The following ARL3 variants were observed in gnomAD, a reference collection of about 807,000 sequenced individuals.
ARL3 encodes the protein ADP-ribosylation factor-like protein 3.
A neutral mutation model predicts 26.0 loss-of-function variants in ARL3; 9 were observed. The ratio of observed to expected loss-of-function variants is 0.35; its 90% confidence interval spans 0.21 to 0.60. The LOEUF is 0.60. ARL3 is among the 20% of genes least tolerant of loss of function. The pLI, the probability that ARL3 is intolerant of heterozygous loss-of-function variation, is 0.78. For missense variants in ARL3, 158 were observed against 215.7 expected, an observed-to-expected ratio of 0.73 and a Z score of 1.67; for synonymous variants, 71 against 78.4, an observed-to-expected ratio of 0.91 and a Z score of 0.50.
chr10:102,693,970 C>T (rs2064233652), intron 3 of ARL3, among the ~76,000 whole-genome samples: 1 of 152,030 alleles, frequency 6.6e-6, no homozygotes, highest in Admixed American at 6.6e-5. Flanking sequence ...CCACCAAATC[C>T]AGCTTCCAGA....
At chr10:102,702,731 T>G (rs2064286793) in intron 2 of ARL3, among the ~76,000 whole-genome samples, 1 of 152,254 alleles carries the variant, frequency 6.6e-6, no homozygotes, top group South Asian at 2.1e-4. Flanking sequence ...CACTAATATG[T>G]GTTTTCAGCC....
chr10:102,674,236 C>T lies in ARL3; in HGVS notation c.*2658G>A, dbSNP rs1436142498. 2 of 152,426 alleles carry T rather than the reference C, an allele frequency of 1.3e-5. No individual in the cohort carries two copies. The highest frequency in any genetic ancestry group is 2.9e-5 in the Non-Finnish European group (2 of 68,084). 9.4% of individuals were successfully genotyped at this position (152,426 alleles called of 1,614,324 possible). ...GGACTCCTTTAACCCTGGCACATTT[C>T]TAACCGCCGGCATAATCGCTGACTT... is the stretch of plus-strand genomic sequence containing the variant. On this transcript the variant is annotated 3_prime_UTR_variant, in exon 6 of 6. Coordinates refer to ENST00000260746, the MANE Select transcript of ARL3 (RefSeq NM_004311.4).
In ARL3 at chr10:102,685,865, C is replaced by A; in HGVS notation, c.452G>T (p.Arg151Leu). 6.2e-7 allele frequency: 1 copy of A among 1,614,042 alleles called. No individual in the cohort carries two copies. The highest frequency in any genetic ancestry group is 1.1e-5 in the South Asian group (1 of 91,062). The change falls in exon 5 of 6, where the codon CGA becomes CTA. Residue 151 changes from arginine (R) to leucine (L), a missense_variant. By Grantham distance (102) the Arg-to-Leu change is moderately radical. Coordinates refer to ENST00000260746, the MANE Select transcript of ARL3 (RefSeq NM_004311.4). ...TGAGCAAGACTGGATCTGCCAGACT[C>A]GGTCGCGGATGGTATGCAGGTTCAG... ...EGLNLHTIRDRVWQIQSCSAL... is the reference protein window; with the variant it reads ...EGLNLHTIRDLVWQIQSCSAL...
intron 5 of ARL3, among the ~76,000 whole-genome samples, chr10:102,685,035 G>A (rs2064175696): frequency 1.3e-5 from 2 of 150,940 alleles, no homozygotes; most frequent in Admixed American, 6.6e-5. Flanking sequence ...ATCACTTGGG[G>A]TCAGGAGTTC....
rs139865888 is a variant in ARL3 at position 102,712,368 on chromosome 10, A to G, written c.3+1905T>C. Among the ~76,000 whole-genome samples the G allele has an allele frequency of 1.1e-4, 17 of 152,366 alleles. No homozygotes were observed. The East Asian group carries it at 3.3e-3, about 29-fold the overall frequency. On this transcript the variant is annotated intron_variant, in intron 1 of 5. Transcript: ENST00000260746. ...TGACTAAATTCAGTGTTTCACTTCA[A>G]GTTTTAAGAACAGCTCACGCTTGTG...
intron 3 of ARL3, among the ~76,000 whole-genome samples, chr10:102,691,043 C>T (rs1418038025): frequency 6.6e-6 from 1 of 152,080 alleles, no homozygotes; most frequent in Non-Finnish European, 1.5e-5. Flanking sequence ...TAATTTAATA[C>T]TCCAAAGCAA....
At chr10:102,684,145 C>G (rs1345844518) in intron 5 of ARL3, among the ~76,000 whole-genome samples, 2 of 152,090 alleles carry the variant, frequency 1.3e-5, no homozygotes, top group East Asian at 3.9e-4. Flanking sequence ...TCTCAGCTTT[C>G]TCTCTCTTTT....
rs1397851261 is a variant in ARL3 at position 102,700,628 on chromosome 10, C to T, written c.148-1139G>A. Among the ~76,000 whole-genome samples, 3 of 151,456 alleles carry T rather than the reference C, an allele frequency of 2.0e-5. No individual in the cohort carries two copies. The East Asian group carries it at 6.0e-4, about 30-fold the overall frequency. ...TACAGGCGCCTGCCACCACACCCGGCTAATTTTTTGTATTTTTAGTAGAGA... is the reference window on the plus strand; with the variant it reads ...TACAGGCGCCTGCCACCACACCCGGTTAATTTTTTGTATTTTTAGTAGAGA... On this transcript the variant is annotated intron_variant, in intron 2 of 5. Transcript: ENST00000260746.
intron 5 of ARL3, among the ~76,000 whole-genome samples, chr10:102,677,885 T>C (rs1018433166): frequency 6.6e-6 from 1 of 151,872 alleles, no homozygotes; most frequent in Non-Finnish European, 1.5e-5. Context: ...ACATCAGCCA[T>C]ACTGGACATG....
chr10:102,689,434 A>C (rs1300527495), intron 4 of ARL3, among the ~76,000 whole-genome samples: 2 of 152,240 alleles, frequency 1.3e-5, no homozygotes, highest in Non-Finnish European at 2.9e-5. Context: ...AAAGGTTAAC[A>C]AACAAAACAA....
Position 102,676,800 on chromosome 10 carries a change from A to C in ARL3, c.*94T>G. ...TCTTCAAACAGCTGGAGCTGTACACAGATGGAAAAACATTTGGTCAGAAAG... is the reference window on the plus strand; with the variant it reads ...TCTTCAAACAGCTGGAGCTGTACACCGATGGAAAAACATTTGGTCAGAAAG... On this transcript the variant is annotated 3_prime_UTR_variant, in exon 6 of 6. Coordinates refer to ENST00000260746, the MANE Select transcript of ARL3 (RefSeq NM_004311.4). 6 of 1,340,656 alleles carry C rather than the reference A, an allele frequency of 4.5e-6. No individual in the cohort carries two copies. Among genetic ancestry groups the C allele is most frequent in the Non-Finnish European group, 6.4e-6 (6 of 943,690 alleles). The allele number at this position is 1,340,656 out of a possible 1,614,324, so 83.0% of individuals were successfully genotyped here.
chr10:102,702,192 TA>T (rs1217326714), intron 2 of ARL3, among the ~76,000 whole-genome samples: 1 of 151,770 alleles, frequency 6.6e-6, no homozygotes, highest in Non-Finnish European at 1.5e-5. Flanking sequence ...ACCCCGTCTC[TA>T]AAAAAAATCT....
intron 2 of ARL3, among the ~76,000 whole-genome samples, chr10:102,701,934 C>A (rs2136006463): frequency 6.6e-6 from 1 of 151,548 alleles, no homozygotes. Flanking sequence ...CCCATAATCC[C>A]AATTTTGGGA....
intron 1 of ARL3, among the ~76,000 whole-genome samples, chr10:102,711,696 G>A (rs1453054653): frequency 6.6e-6 from 1 of 152,050 alleles, no homozygotes; most frequent in African/African-American, 2.4e-5. Context: ...GGCGGAGCTT[G>A]CAGTGAACGG....
At chr10:102,713,772 GAGA>G (rs2064362478) in intron 1 of ARL3, among the ~76,000 whole-genome samples, 1 of 152,172 alleles carries the variant, frequency 6.6e-6, no homozygotes, top group Non-Finnish European at 1.5e-5. Context: ...CGCACAGCGC[GAGA>G]AGGAGGAGAG....
At chr10:102,700,707 G>A (rs1382956121) in intron 2 of ARL3, among the ~76,000 whole-genome samples, 27 of 148,718 alleles carry the variant, frequency 1.8e-4, no homozygotes, top group Admixed American at 1.4e-4. Context: ...CTCATGATCC[G>A]CCCACCTTGG....
At chr10:102,696,307 C>G (rs2064247639) in intron 3 of ARL3, among the ~76,000 whole-genome samples, 1 of 148,276 alleles carries the variant, frequency 6.7e-6, no homozygotes, top group South Asian at 2.1e-4. Flanking sequence ...GGTCTGTCGC[C>G]AAAGCTGGAG....
At chr10:102,701,206 C>A (rs2064278142) in intron 2 of ARL3, among the ~76,000 whole-genome samples, 1 of 152,042 alleles carries the variant, frequency 6.6e-6, no homozygotes, top group African/African-American at 2.4e-5. Context: ...TTTTTAAAGT[C>A]TTCTTGCAAA....
chr10:102,686,097 A>C, intron 4 of ARL3, 96 bp from the exon 5 acceptor site: 1 of 1,028,128 alleles, frequency 9.7e-7, no homozygotes, highest in Non-Finnish European at 1.4e-6. Flanking sequence ...TTTGAGACAG[A>C]GTCTCACTCT....
Sources: allele counts gnomAD v4.1 joint callset (sites outside exome capture counted in the v4.1 genomes callset), GRCh38; gene constraint gnomAD v4.1.1; transcripts MANE v1.5; gene names NCBI Gene and HGNC (gene_info 2026-07-23, HGNC 2026-07-21).